The following FUBP3 variants were observed in gnomAD, a reference collection of about 807,000 sequenced individuals.
The protein encoded by FUBP3 is far upstream element binding protein 3.
A neutral mutation model predicts 85.6 loss-of-function variants in FUBP3; 28 were observed. The ratio of observed to expected loss-of-function variants is 0.33; its 90% CI spans 0.24 to 0.45. The LOEUF (loss-of-function observed/expected upper bound fraction) is 0.45. Ranked by LOEUF, FUBP3 falls within the 20% of genes least tolerant of loss-of-function variation. FUBP3 has a pLI of 1.00. For missense variants in FUBP3, 583 were observed against 755.1 expected (o/e 0.77, Z 2.67); for synonymous variants, 271 against 271.4 (o/e 1.00, Z 0.01).
chr9:130,598,291 CA>C (rs1176078326), intron 2 of FUBP3, among the ~76,000 whole-genome samples: 1 of 152,216 alleles, frequency 6.6e-6, no homozygotes, highest in African/African-American at 2.4e-5. Context: ...GCAGAGGACG[CA>C]GCAGATACCT....
intron 3 of FUBP3, 50 bp downstream of exon 3, chr9:130,610,037 A>T (rs1231336663): frequency 7.4e-7 from 1 of 1,345,836 alleles, no homozygotes; most frequent in Non-Finnish European, 1.1e-6. Context: ...CTAATTGTTT[A>T]TTGATCCACC....
At chr9:130,599,795 G>T (rs779988540) in intron 2 of FUBP3, among the ~76,000 whole-genome samples, 1 of 152,056 alleles carries the variant, frequency 6.6e-6, no homozygotes, top group Non-Finnish European at 1.5e-5. Context: ...GTTTCAACTG[G>T]AGCCTCTCCC....
chr9:130,631,628 A>G lies in FUBP3; in HGVS notation c.1350A>G (p.Gln450=), dbSNP rs1830213847. Residue 450 remains glutamine (Q), a splice_region_variant and synonymous_variant, in exon 14 of 19, where the codon CAA becomes CAG. Coordinates refer to ENST00000319725, the MANE Select transcript of FUBP3 (RefSeq NM_003934.2). ...PFSQPPAPPH[Q]NTFPPRSSGC... ...GCCAGCCACCTGCCCCACCTCATCA[A>G]AAGTGAGTCTTTTGCATCAGTCTTG... The G allele has an allele frequency of 1.2e-6, 2 of 1,610,630 alleles. No individual in the cohort carries two copies. The highest frequency in any genetic ancestry group is 1.7e-5 in the Admixed American group (1 of 59,996).
chr9:130,626,497 T>C lies in FUBP3; in HGVS notation c.1109T>C (p.Ile370Thr), dbSNP rs372710837. 1.2e-6 allele frequency: 2 copies of C among 1,613,956 alleles called. No homozygotes were observed. The highest frequency in any genetic ancestry group is 2.7e-5 in the African/African-American group (2 of 74,930). ...CCAGCCGATAAGTGTGGCCTCGTCATAGGCAAAGGTAAGAGGCAGCTGGGG... is the reference window on the plus strand; with the variant it reads ...CCAGCCGATAAGTGTGGCCTCGTCACAGGCAAAGGTAAGAGGCAGCTGGGG... ...TVPADKCGLV[I>T]GKGGENIKSI... Residue 370 changes from isoleucine (I) to threonine (T), a missense_variant, in exon 12 of 19, where the codon ATA becomes ACA. Physicochemically the swap from Ile to Thr is moderately conservative, Grantham distance 89. Transcript: ENST00000319725.
Position 130,579,667 on chromosome 9 carries a change from C to CGGCGGG in FUBP3, c.-8_-3dup. On this transcript the variant is annotated 5_prime_UTR_variant, in exon 1 of 19. Coordinates refer to ENST00000319725, the MANE Select transcript of FUBP3 (RefSeq NM_003934.2). Reference sequence around the variant, plus strand: ...GCGGCGTCGGCGGCGGCGGCGACGGCGGCGGGGGCGGTAATGGCGGAGCTG... The same window carrying CGGCGGG: ...GCGGCGTCGGCGGCGGCGGCGACGGCGGCGGGGGCGGGGGCGGTAATGGCGGAGCTG... 8.0e-7 allele frequency: 1 copy of CGGCGGG among 1,244,392 alleles called. No individual in the cohort carries two copies. Among genetic ancestry groups the CGGCGGG allele is most frequent in the Non-Finnish European group, 1.0e-6 (1 of 992,628 alleles). The allele number at this position is 1,244,392 out of a possible 1,614,324, so 77.1% of individuals were successfully genotyped here. A position where few individuals can be genotyped will look rare whatever the true frequency, so the allele number is the denominator to read the frequency against.
At chr9:130,621,306 A>G (rs1237200234) in intron 9 of FUBP3, among the ~76,000 whole-genome samples, 1 of 152,028 alleles carries the variant, frequency 6.6e-6, no homozygotes, top group Non-Finnish European at 1.5e-5. Flanking sequence ...CAATATAGCC[A>G]GACACCACCT....
intron 11 of FUBP3, 24 bp from the exon 12 acceptor site, chr9:130,626,340 G>A (rs895305537): frequency 1.1e-5 from 17 of 1,601,690 alleles, no homozygotes; most frequent in East Asian, 2.2e-5. Context: ...GGCAGAGGTC[G>A]CTACAGCCCT....
intron 3 of FUBP3, among the ~76,000 whole-genome samples, chr9:130,611,805 T>TAAA (rs56793322): frequency 1.5e-4 from 22 of 144,890 alleles, no homozygotes; most frequent in East Asian, 6.0e-4. Context: ...AGTAGTAGTT[T>TAAA]AAAAAAAAAA....
At chr9:130,631,430 G>A (rs1162111481) in intron 13 of FUBP3, 127 bp from the exon 14 acceptor site, 3 of 1,255,482 alleles carry the variant, frequency 2.4e-6, no homozygotes, top group African/African-American at 1.5e-5. Context: ...TAGTGTGAGT[G>A]CGTAGGTGTC....
intron 1 of FUBP3, among the ~76,000 whole-genome samples, chr9:130,586,027 C>A (rs1830322277): frequency 6.6e-6 from 1 of 152,186 alleles, no homozygotes; most frequent in South Asian, 2.1e-4. Flanking sequence ...GAGACAAGGT[C>A]TTGTTACGTT....
chr9:130,592,241 A>G (rs1158644349), intron 1 of FUBP3, among the ~76,000 whole-genome samples: 1 of 152,194 alleles, frequency 6.6e-6, no homozygotes, highest in Non-Finnish European at 1.5e-5. Flanking sequence ...CAAAAATAAA[A>G]TGAGGAAGGT....
In FUBP3 at chr9:130,610,003, C is replaced by T. The variant is rs369576473; in HGVS notation, c.224+16C>T. 2.3e-4 allele frequency: 367 copies of T among 1,568,676 alleles called. 1 individual carries two copies. The highest frequency in any genetic ancestry group is 7.5e-4 in the Admixed American group (45 of 59,894). Reference sequence around the variant, plus strand: ...TACATCAAAGGTAAGCAGTGGGTTACGTTTTATTATTTATTGATCATTTCT... The same window carrying T: ...TACATCAAAGGTAAGCAGTGGGTTATGTTTTATTATTTATTGATCATTTCT... On this transcript the variant is annotated intron_variant, in intron 3 of 18. Coordinates refer to ENST00000319725, the MANE Select transcript of FUBP3 (RefSeq NM_003934.2).
rs763260086 is a variant in FUBP3 at position 130,626,392 on chromosome 9, C to T, written c.1004C>T (p.Ala335Val). ...QERDGFGGLAAARGRGRGRGD... is the reference protein window; with the variant it reads ...QERDGFGGLAVARGRGRGRGD... Reference sequence around the variant, plus strand: ...AGAGACGGCTTTGGAGGCCTGGCAGCAGCCAGAGGAAGAGGTCGTGGCCGT... The same window carrying T: ...AGAGACGGCTTTGGAGGCCTGGCAGTAGCCAGAGGAAGAGGTCGTGGCCGT... Residue 335 changes from alanine to valine, a missense_variant, in exon 12 of 19, where the codon GCA becomes GTA. Physicochemically the swap from Ala to Val is moderately conservative, Grantham distance 64. Coordinates refer to ENST00000319725, the MANE Select transcript of FUBP3 (RefSeq NM_003934.2). 17 of 1,613,730 alleles carry T rather than the reference C, an allele frequency of 1.1e-5. No individual in the cohort carries two copies. The highest frequency in any genetic ancestry group is 1.4e-5 in the Non-Finnish European group (17 of 1,179,846).
intron 12 of FUBP3, 100 bp downstream of exon 12, chr9:130,626,605 C>A: frequency 1.6e-6 from 2 of 1,274,582 alleles, no homozygotes; most frequent in Non-Finnish European, 1.1e-6. Flanking sequence ...CCCTTTGCTG[C>A]TGCAGGCTGG....
At chr9:130,603,347 C>CAAAAAAA (rs34850259) in intron 2 of FUBP3, among the ~76,000 whole-genome samples, 32 of 83,812 alleles carry the variant, frequency 3.8e-4, no homozygotes, top group African/African-American at 1.1e-3. Flanking sequence ...ACTCTGTCTC[C>CAAAAAAA]AAAAAAAAAA....
intron 2 of FUBP3, among the ~76,000 whole-genome samples, chr9:130,606,694 C>T (rs1225592961): frequency 1.3e-5 from 2 of 152,116 alleles, no homozygotes; most frequent in African/African-American, 4.8e-5. Context: ...GTGGCGCATG[C>T]CTGTAATCCC....
chr9:130,634,833 A>C, intron 17 of FUBP3, 95 bp downstream of exon 17: 3 of 906,618 alleles, frequency 3.3e-6, no homozygotes, highest in Non-Finnish European at 5.3e-6. Flanking sequence ...TTTTTCCCTA[A>C]TGCCTTCCCT....
At position 130,589,701 on chromosome 9, in the gene FUBP3, A is replaced by AT. The variant is rs1416100381; in HGVS notation, c.85-5781dup. On this transcript the variant is annotated intron_variant, in intron 1 of 18. Transcript: ENST00000319725. ...TATATATATATATATATATATATAT[A>AT]TATATTTTTTTTTTTTTTTTTTTTT... 5.2e-3 allele frequency among the ~76,000 whole-genome samples: 146 copies of AT among 27,950 alleles called. 3 individuals are homozygous for AT. The highest frequency in any genetic ancestry group is 0.024 in the African/African-American group (117 of 4,792). 18.3% of individuals were successfully genotyped at this position (27,950 alleles called of 152,430 possible).
intron 2 of FUBP3, among the ~76,000 whole-genome samples, chr9:130,601,369 A>G (rs1241464138): frequency 1.3e-5 from 2 of 152,166 alleles, no homozygotes; most frequent in Non-Finnish European, 2.9e-5. Context: ...CTCCTGATCA[A>G]AGATCAAAGC....
Sources: gnomAD v4.1 joint callset for allele counts (sites outside exome capture counted in the v4.1 genomes callset) on GRCh38, gnomAD v4.1.1 for gene constraint, MANE v1.5 for transcripts, NCBI Gene and HGNC (gene_info 2026-07-23, HGNC 2026-07-21) for gene names.